Variants in KCNMA1 observed in about 807,000 individuals in gnomAD.
The protein encoded by KCNMA1 is potassium calcium-activated channel subfamily M alpha 1.
In KCNMA1, 29 loss-of-function variants were observed where a neutral mutation model predicts 140.0. The observed-to-expected ratio is 0.21, with a 90% CI of 0.15 to 0.28. KCNMA1 has a LOEUF of 0.28. KCNMA1 is among the 10% of genes least tolerant of loss of function. The pLI, the probability that KCNMA1 is intolerant of heterozygous loss-of-function variation, is 1.00. For synonymous variants in KCNMA1, 612 were observed against 611.9 expected (o/e 1.00, Z 0.00); for missense variants, 880 against 1,602.2 (o/e 0.55, Z 7.70).
intron 1 of KCNMA1, among the ~76,000 whole-genome samples, chr10:77,512,373 GCA>G: frequency 6.6e-6 from 1 of 152,136 alleles, no homozygotes; most frequent in East Asian, 1.9e-4. Context: ...ATGAGACAGA[GCA>G]CAGTCACATG....
intron 1 of KCNMA1, among the ~76,000 whole-genome samples, chr10:77,577,489 G>T (rs1431802155): frequency 2.0e-5 from 3 of 152,102 alleles, no homozygotes; most frequent in African/African-American, 7.2e-5. Flanking sequence ...ATGCAAGATG[G>T]TCCCGTCCTC....
intron 1 of KCNMA1, among the ~76,000 whole-genome samples, chr10:77,425,646 T>C (rs2096969372): frequency 6.6e-6 from 1 of 152,194 alleles, no homozygotes; most frequent in African/African-American, 2.4e-5. Flanking sequence ...CTTGTCCAGG[T>C]GGCAGGACTT....
At chr10:77,364,468 A>G (rs1210833770) in intron 2 of KCNMA1, among the ~76,000 whole-genome samples, 1 of 152,124 alleles carries the variant, frequency 6.6e-6, no homozygotes, top group Admixed American at 6.5e-5. Context: ...AGAAAGAAAA[A>G]AGAAAAGAAA....
At chr10:77,167,985 G>C (rs1055324559) in intron 5 of KCNMA1, among the ~76,000 whole-genome samples, 3 of 152,050 alleles carry the variant, frequency 2.0e-5, no homozygotes, top group African/African-American at 7.2e-5. Flanking sequence ...ACCCAGCTGA[G>C]GCCCTCGCTT....
intron 15 of KCNMA1, among the ~76,000 whole-genome samples, chr10:77,038,384 G>A (rs2094464329): frequency 6.6e-6 from 1 of 152,158 alleles, no homozygotes; most frequent in Admixed American, 6.5e-5. Flanking sequence ...AGCCCAGTGA[G>A]CTCCCAGATA....
At chr10:77,389,363 A>G (rs994770922) in intron 2 of KCNMA1, among the ~76,000 whole-genome samples, 2 of 152,170 alleles carry the variant, frequency 1.3e-5, no homozygotes, top group Non-Finnish European at 2.9e-5. Context: ...TTAAATAAAC[A>G]TGCCTTTTAT....
At chr10:77,624,774 C>T (rs1357043135) in intron 1 of KCNMA1, among the ~76,000 whole-genome samples, 1 of 152,016 alleles carries the variant, frequency 6.6e-6, no homozygotes, top group Non-Finnish European at 1.5e-5. Context: ...ATCCGGCGCT[C>T]CCTTAACTTC....
intron 1 of KCNMA1, among the ~76,000 whole-genome samples, chr10:77,524,146 C>G (rs1265725092): frequency 6.6e-6 from 1 of 152,148 alleles, no homozygotes; most frequent in East Asian, 1.9e-4. Context: ...CAATATTTCT[C>G]ACATGGAAAC....
chr10:77,247,233 A>G (rs1432141917), intron 3 of KCNMA1, among the ~76,000 whole-genome samples: 1 of 152,176 alleles, frequency 6.6e-6, no homozygotes, highest in Non-Finnish European at 1.5e-5. Context: ...CCTTTCCCAG[A>G]ATGCCCCTGG....
chr10:77,151,869 C>G (rs1402757835), intron 5 of KCNMA1, among the ~76,000 whole-genome samples: 1 of 152,196 alleles, frequency 6.6e-6, no homozygotes, highest in African/African-American at 2.4e-5. Context: ...GCAATTTTCT[C>G]TAGCATATTT....
intron 5 of KCNMA1, among the ~76,000 whole-genome samples, chr10:77,125,856 T>C (rs1392170821): frequency 6.6e-6 from 1 of 152,196 alleles, no homozygotes; most frequent in Non-Finnish European, 1.5e-5. Context: ...ATAATCCACA[T>C]TCAGAATTCT....
chr10:77,458,626 T>C (rs925549581), intron 1 of KCNMA1, among the ~76,000 whole-genome samples: 7 of 152,190 alleles, frequency 4.6e-5, no homozygotes, highest in African/African-American at 1.7e-4. Flanking sequence ...ACATGAATAG[T>C]TTATTTGGGT....
Position 76,953,790 on chromosome 10 carries a change from C to G in KCNMA1, c.2484+11G>C, listed in dbSNP as rs2067171351. 4.3e-6 allele frequency: 7 copies of G among 1,613,926 alleles called. No homozygotes were observed. The highest frequency in any genetic ancestry group is 5.1e-6 in the Non-Finnish European group (6 of 1,179,872). ...AAGCGGGCAACATCAGATGCACAGT[C>G]CCTCACTCACCAGGATGACTTTCTC... is the stretch of plus-strand genomic sequence containing the variant. On this transcript the variant is annotated intron_variant, in intron 21 of 27. Transcript: ENST00000286628.
At chr10:77,058,790 T>A (rs554099437) in intron 14 of KCNMA1, among the ~76,000 whole-genome samples, 113 of 151,966 alleles carry the variant, frequency 7.4e-4, no homozygotes, top group African/African-American at 2.6e-3. Context: ...GCACAAAATG[T>A]TTACACCAAA....
chr10:77,035,403 G>A (rs1264649313), intron 15 of KCNMA1, among the ~76,000 whole-genome samples: 1 of 152,148 alleles, frequency 6.6e-6, no homozygotes, highest in East Asian at 1.9e-4. Flanking sequence ...ATCTACCACA[G>A]CACTTATCAG....
downstream of KCNMA1, among the ~76,000 whole-genome samples, chr10:76,883,140 T>C (rs2035334897): frequency 6.6e-6 from 1 of 152,202 alleles, no homozygotes; most frequent in African/African-American, 2.4e-5. Flanking sequence ...CTCATTGAGC[T>C]TACAGGGCTA....
chr10:77,519,688 G>A (rs2052104048), intron 1 of KCNMA1, among the ~76,000 whole-genome samples: 1 of 152,150 alleles, frequency 6.6e-6, no homozygotes. Context: ...TAACATGAGT[G>A]ATTATAAAGC....
chr10:77,093,790 G>C lies in KCNMA1; in HGVS notation c.1224-3280C>G, dbSNP rs1015164395. Among the ~76,000 whole-genome samples, 3 of 152,188 alleles carry C rather than the reference G, an allele frequency of 2.0e-5. No individual in the cohort carries two copies. The South Asian group carries it at 6.2e-4, about 31-fold the overall frequency. ...GCAGGGTGTGACCTCATTGGAGGCA[G>C]AGTAATGGTTGTTCACAGGGCATGA... On this transcript the variant is annotated intron_variant, in intron 9 of 27. Transcript: ENST00000286628.
At chr10:76,920,375 T>G (rs1451724233) in intron 23 of KCNMA1, among the ~76,000 whole-genome samples, 1 of 152,104 alleles carries the variant, frequency 6.6e-6, no homozygotes, top group African/African-American at 2.4e-5. Context: ...AGAACCATCC[T>G]ATGTATATAC....
Sources: allele counts gnomAD v4.1 joint callset (sites outside exome capture counted in the v4.1 genomes callset), GRCh38; gene constraint gnomAD v4.1.1; transcripts MANE v1.5; gene names NCBI Gene and HGNC (gene_info 2026-07-23, HGNC 2026-07-21).